Variants in BRAF observed in about 807,000 individuals in gnomAD.
The protein encoded by BRAF is B-Raf proto-oncogene, serine/threonine kinase, also known as serine/threonine-protein kinase B-raf.
In BRAF, 16 loss-of-function variants were observed where a neutral mutation model predicts 104.6. The ratio of observed to expected loss-of-function variants is 0.15; its 90% CI spans 0.10 to 0.23. The LOEUF (loss-of-function observed/expected upper bound fraction) is 0.23. BRAF is among the 10% of genes least tolerant of loss of function. The pLI is 1.00. For missense variants in BRAF, 541 were observed against 937.3 expected, an observed-to-expected ratio of 0.58 and a Z score of 5.52; for synonymous variants, 310 against 341.6, an observed-to-expected ratio of 0.91 and a Z score of 1.02.
chr7:140,739,968 A>T (rs1796772792), intron 17 of BRAF, 22 bp from the exon 17 acceptor site: 1 of 1,610,366 alleles, frequency 6.2e-7, no homozygotes, highest in Non-Finnish European at 8.5e-7. Flanking sequence ...AAAAAAAGGG[A>T]AATAATTCAA....
At chr7:140,833,266 C>T (rs999737152) in intron 3 of BRAF, among the ~76,000 whole-genome samples, 1 of 152,104 alleles carries the variant, frequency 6.6e-6, no homozygotes, top group African/African-American at 2.4e-5. Context: ...TACAGAAACT[C>T]ACAAAATTAC....
In BRAF at chr7:140,794,461, T is replaced by C. The variant is rs749386136; in HGVS notation, c.987A>G (p.Gln329=). ...SAPASDSIGP[Q]ILTSPSPSKS... Reference sequence around the variant, plus strand: ...TTGAAGGAGACGGACTGGTGAGAATTTGGGGCCTGGAAAAATGAAGTCATT... The same window carrying C: ...TTGAAGGAGACGGACTGGTGAGAATCTGGGGCCTGGAAAAATGAAGTCATT... The change falls in exon 8 of 20, where the codon CAA becomes CAG. Residue 329 remains glutamine (Q), a synonymous_variant. Coordinates refer to ENST00000644969, the MANE Select transcript of BRAF (RefSeq NM_001374258.1). 5 of 1,613,854 alleles carry C rather than the reference T, an allele frequency of 3.1e-6. No homozygotes were observed. Among genetic ancestry groups the C allele is most frequent in the Admixed American group, 1.7e-5 (1 of 59,984 alleles).
chr7:140,875,143 C>T (rs1052720162), intron 1 of BRAF, among the ~76,000 whole-genome samples: 1 of 152,128 alleles, frequency 6.6e-6, no homozygotes, highest in Non-Finnish European at 1.5e-5. Flanking sequence ...TAGAGTAATA[C>T]ATCAGGGATC....
intron 11 of BRAF, among the ~76,000 whole-genome samples, chr7:140,782,719 C>T (rs550891153): frequency 2.6e-5 from 4 of 152,134 alleles, no homozygotes; most frequent in Non-Finnish European, 5.9e-5. Context: ...TCTGAAATAT[C>T]TGAATTCTGG....
intron 1 of BRAF, among the ~76,000 whole-genome samples, chr7:140,877,241 A>G (rs1383952579): frequency 7.3e-6 from 1 of 136,650 alleles, no homozygotes; most frequent in African/African-American, 2.7e-5. Context: ...GCTACAGTGA[A>G]TTAATATCAT....
intron 1 of BRAF, among the ~76,000 whole-genome samples, chr7:140,885,007 T>C (rs1023031127): frequency 2.0e-5 from 3 of 152,164 alleles, no homozygotes; most frequent in Admixed American, 6.5e-5. Flanking sequence ...TGTTTATTTA[T>C]TCATTTATTT....
chr7:140,740,274 A>T (rs1585961029), intron 17 of BRAF: 4 of 120,552 alleles, frequency 3.3e-5, no homozygotes, highest in South Asian at 3.0e-4. Context: ...TCTTTACTTT[A>T]AAAAAAAAAA....
chr7:140,716,303 C>A (rs781697064), downstream of BRAF, among the ~76,000 whole-genome samples: 1 of 152,090 alleles, frequency 6.6e-6, no homozygotes, highest in African/African-American at 2.4e-5. Flanking sequence ...TGAGTTTGGG[C>A]AAATAACTTT....
intron 1 of BRAF, among the ~76,000 whole-genome samples, chr7:140,884,688 A>C (rs2129107422): frequency 6.6e-6 from 1 of 151,904 alleles, no homozygotes; most frequent in East Asian, 1.9e-4. Flanking sequence ...GCTATGTTGG[A>C]TCTTCCTGCA....
intron 17 of BRAF, among the ~76,000 whole-genome samples, chr7:140,746,177 C>T (rs1048670751): frequency 3.3e-5 from 5 of 152,172 alleles, no homozygotes; most frequent in African/African-American, 1.2e-4. Flanking sequence ...TGGAATAATA[C>T]ACTTGAAATA....
Position 140,924,688 on chromosome 7 carries a change from C to T in BRAF, c.16G>A (p.Gly6Ser). Residue 6 changes from glycine to serine, a missense_variant, in exon 1 of 20, where the codon GGT becomes AGT. By Grantham distance (56) the Gly-to-Ser change is moderately conservative (BLOSUM62 0). Transcript: ENST00000644969. This position sits in a 1 kb window ranked among gnomAD's most constrained non-coding sequence, Gnocchi z 4.2. MAALSGGGGGGAEPGQ... is the reference protein window; with the variant it reads MAALSSGGGGGAEPGQ... ...GGCTCCGCGCCGCCACCACCGCCAC[C>T]GCTCAGCGCCGCCATCTTATAACCG... 9.2e-7 allele frequency: 1 copy of T among 1,089,526 alleles called. No individual in the cohort carries two copies. The allele number at this position is 1,089,526 out of a possible 1,614,324, so 67.5% of individuals were successfully genotyped here. A position where few individuals can be genotyped will look rare whatever the true frequency, so the allele number is the denominator to read the frequency against.
chr7:140,771,666 G>C, intron 14 of BRAF, among the ~76,000 whole-genome samples: 1 of 152,162 alleles, frequency 6.6e-6, no homozygotes, highest in East Asian at 1.9e-4. Flanking sequence ...CTGAAATAAA[G>C]GCTTTGCAAA....
At chr7:140,881,359 G>T (rs1812894963) in intron 1 of BRAF, among the ~76,000 whole-genome samples, 1 of 152,162 alleles carries the variant, frequency 6.6e-6, no homozygotes. Flanking sequence ...TGGCTGGTTT[G>T]ATATTCTATC....
intron 1 of BRAF, among the ~76,000 whole-genome samples, chr7:140,873,093 G>A (rs1289341859): frequency 2.7e-5 from 4 of 150,218 alleles, no homozygotes; most frequent in Non-Finnish European, 5.9e-5. Context: ...GGACAAAACC[G>A]TCAAAACAAC....
At chr7:140,918,967 G>A (rs1205238897) in intron 1 of BRAF, among the ~76,000 whole-genome samples, 1 of 151,766 alleles carries the variant, frequency 6.6e-6, no homozygotes, top group African/African-American at 2.4e-5. Flanking sequence ...GTGAAACCCC[G>A]TCTCTACTAA....
Position 140,720,090 on chromosome 7 carries a change from G to T in BRAF, c.*6404C>A. ...AAACCAAAGAGCAATGACAACTACTGAATAAAATTCAGAGACACATGTTGA... is the reference window on the plus strand; with the variant it reads ...AAACCAAAGAGCAATGACAACTACTTAATAAAATTCAGAGACACATGTTGA... On this transcript the variant is annotated 3_prime_UTR_variant, in exon 20 of 20. Transcript: ENST00000644969. 9.4e-7 allele frequency: 1 copy of T among 1,060,344 alleles called. No homozygotes were observed. The allele number at this position is 1,060,344 out of a possible 1,614,324, so 65.7% of individuals were successfully genotyped here.
At chr7:140,881,578 G>A (rs1377773335) in intron 1 of BRAF, among the ~76,000 whole-genome samples, 1 of 152,162 alleles carries the variant, frequency 6.6e-6, no homozygotes, top group Non-Finnish European at 1.5e-5. Flanking sequence ...ATTCACTGGA[G>A]TAGCACTTGT....
the BRAF span, among the ~76,000 whole-genome samples, chr7:140,714,133 T>C: frequency 5.3e-5 from 8 of 152,062 alleles, no homozygotes; most frequent in African/African-American, 1.7e-4. Context: ...TCTTCAAAGC[T>C]CAGTTGGAAA....
chr7:140,855,357 C>T (rs1168677958), intron 1 of BRAF, among the ~76,000 whole-genome samples: 8 of 152,074 alleles, frequency 5.3e-5, no homozygotes, highest in Non-Finnish European at 1.2e-4. Context: ...CTGTTTTAAT[C>T]TCTTCAGTAG....
Sources: gnomAD v4.1 joint callset for allele counts (sites outside exome capture counted in the v4.1 genomes callset) on GRCh38, gnomAD v4.1.1 for gene constraint, Gnocchi (gnomAD v3.1) non-coding constraint, MANE v1.5 for transcripts, NCBI Gene and HGNC (gene_info 2026-07-23, HGNC 2026-07-21) for gene names.